The following ARID3B variants were observed in gnomAD, a reference collection of about 807,000 sequenced individuals.
ARID3B encodes the protein AT-rich interactive domain-containing protein 3B.
Under a neutral mutation model 51.9 loss-of-function variants are expected in ARID3B, and 10 were observed. The observed-to-expected ratio is 0.19, with a 90% confidence interval of 0.12 to 0.33. ARID3B has a LOEUF of 0.33. Ranked by LOEUF, ARID3B falls within the 10% of genes least tolerant of loss-of-function variation. The pLI, the probability that ARID3B is intolerant of heterozygous loss-of-function variation, is 1.00. For synonymous variants in ARID3B, 205 were observed against 279.5 expected (o/e 0.73, Z 2.66); for missense variants, 483 against 716.3 (o/e 0.67, Z 3.72).
In ARID3B at chr15:74,553,917, G is replaced by A. The variant is rs189275700; in HGVS notation, c.552+9429G>A. ...CGGCGCACTGCAACCTCCGCCTCCC[G>A]GGTTCAAGAGATTCTCCTGCCTCAG... On this transcript the variant is annotated intron_variant, in intron 2 of 8. Transcript: ENST00000346246. Among the ~76,000 whole-genome samples, 48 of 152,058 alleles carry A rather than the reference G, an allele frequency of 3.2e-4. No individual in the cohort carries two copies. The East Asian group carries it at 8.7e-3, about 28-fold the overall frequency.
chr15:74,547,768 A>T (rs1567115182), intron 2 of ARID3B, among the ~76,000 whole-genome samples: 1 of 152,260 alleles, frequency 6.6e-6, no homozygotes. Context: ...CACATGCCAA[A>T]GTTTAAAAAG....
In ARID3B at chr15:74,554,414, C is replaced by T. The variant is rs185718704; in HGVS notation, c.552+9926C>T. 1.0e-3 allele frequency among the ~76,000 whole-genome samples: 156 copies of T among 151,562 alleles called. No homozygotes were observed. The Middle Eastern group carries it at 0.018, about 17-fold the overall frequency. On this transcript the variant is annotated intron_variant, in intron 2 of 8. Coordinates refer to ENST00000346246, the MANE Select transcript of ARID3B (RefSeq NM_006465.4). ...GCCTCCCGGGCTCAAGCAGCCCTCC[C>T]GCCTCAGCCTCCCAAGTACCTGGGA...
chr15:74,545,828 C>G (rs2061613736), intron 2 of ARID3B, among the ~76,000 whole-genome samples: 1 of 152,126 alleles, frequency 6.6e-6, no homozygotes, highest in Non-Finnish European at 1.5e-5. Context: ...GATTCAAATC[C>G]CATCACTTCC....
chr15:74,587,760 C>T (rs530043090), intron 4 of ARID3B, among the ~76,000 whole-genome samples: 2 of 152,240 alleles, frequency 1.3e-5, no homozygotes, highest in South Asian at 4.1e-4. Context: ...GGTTTACTGT[C>T]CAGAACAGCA....
At chr15:74,595,569 G>A (rs201980212) in intron 8 of ARID3B, 42 bp from the exon 9 acceptor site, 58 of 1,592,708 alleles carry the variant, frequency 3.6e-5, no homozygotes, top group African/African-American at 5.4e-5. Context: ...CCTCCCCTTC[G>A]CTCTTCCTCT....
intron 2 of ARID3B, among the ~76,000 whole-genome samples, chr15:74,558,826 G>A (rs2061668728): frequency 6.6e-6 from 1 of 152,100 alleles, no homozygotes. Context: ...ATGTGCCTTG[G>A]ATGGTGGAAG....
intron 2 of ARID3B, among the ~76,000 whole-genome samples, chr15:74,567,593 T>G (rs1481515528): frequency 6.6e-6 from 1 of 152,158 alleles, no homozygotes; most frequent in Non-Finnish European, 1.5e-5. Context: ...TGTCTCATGT[T>G]GGATTCCACG....
chr15:74,560,752 GAGTGTGAATGT>G (rs1220232902), intron 2 of ARID3B, among the ~76,000 whole-genome samples: 1 of 152,208 alleles, frequency 6.6e-6, no homozygotes, highest in African/African-American at 2.4e-5. Context: ...CAGAACATGT[GAGTGTGAATGT>G]ACTTGTGTAT....
At chr15:74,572,642 G>A (rs968184023) in intron 2 of ARID3B, among the ~76,000 whole-genome samples, 2 of 151,294 alleles carry the variant, frequency 1.3e-5, no homozygotes, top group South Asian at 2.1e-4. Context: ...TCTTCCACCC[G>A]ATTCCCTCTT....
intron 4 of ARID3B, among the ~76,000 whole-genome samples, chr15:74,583,704 G>A (rs561363448): frequency 1.5e-4 from 22 of 151,102 alleles, no homozygotes; most frequent in African/African-American, 2.2e-4. Flanking sequence ...GCAACAGAGC[G>A]AGACTCTGTC....
chr15:74,558,493 A>G (rs1180333935), intron 2 of ARID3B, among the ~76,000 whole-genome samples: 6 of 151,832 alleles, frequency 4.0e-5, no homozygotes. Flanking sequence ...CTCTTTGAAC[A>G]TCTTTGACTT....
chr15:74,590,989 T>G (rs1398143762), intron 5 of ARID3B, among the ~76,000 whole-genome samples, 162 bp from the exon 6 acceptor site: 1 of 152,180 alleles, frequency 6.6e-6, no homozygotes, highest in Admixed American at 6.5e-5. Flanking sequence ...TGGGGCAGAG[T>G]GTCCGGCCAT....
At chr15:74,544,665 T>G (rs2061608928) in intron 2 of ARID3B, among the ~76,000 whole-genome samples, 177 bp downstream of exon 2, 1 of 151,892 alleles carries the variant, frequency 6.6e-6, no homozygotes, top group Non-Finnish European at 1.5e-5. Context: ...TTTTCTTCAT[T>G]AAAGCAATGA....
rs1209115882 is a variant in ARID3B at position 74,597,895 on chromosome 15, T to A, written c.*2121T>A. On this transcript the variant is annotated 3_prime_UTR_variant, in exon 9 of 9. Coordinates refer to ENST00000346246, the MANE Select transcript of ARID3B (RefSeq NM_006465.4). The stretch of plus-strand genomic sequence containing the variant: ...AGCAGGTGCCCCCACGAGTGGGGCC[T>A]TGGCCCAAGCAGAGCTTCCCCTGAA... 5.7e-6 allele frequency: 3 copies of A among 529,332 alleles called. No individual in the cohort carries two copies. Among genetic ancestry groups the A allele is most frequent in the Non-Finnish European group, 1.1e-5 (3 of 273,030 alleles). 32.8% of individuals were successfully genotyped at this position (529,332 alleles called of 1,614,324 possible).
chr15:74,590,492 G>A (rs1224606432), intron 5 of ARID3B, among the ~76,000 whole-genome samples: 2 of 152,214 alleles, frequency 1.3e-5, no homozygotes, highest in Non-Finnish European at 2.9e-5. Context: ...CAGGCAGGAA[G>A]GCCCCCTTGG....
chr15:74,562,674 G>A (rs774351164), intron 2 of ARID3B, among the ~76,000 whole-genome samples: 2 of 152,146 alleles, frequency 1.3e-5, no homozygotes, highest in African/African-American at 2.4e-5. Flanking sequence ...TGAAGAGCAC[G>A]TGTACTCAAT....
chr15:74,585,949 C>T (rs892474462), intron 4 of ARID3B, among the ~76,000 whole-genome samples: 1 of 152,324 alleles, frequency 6.6e-6, no homozygotes, highest in East Asian at 1.9e-4. Flanking sequence ...GCATAGCCTC[C>T]GCTCTGTTTC....
intron 4 of ARID3B, among the ~76,000 whole-genome samples, chr15:74,580,720 C>T (rs2061758948): frequency 6.6e-6 from 1 of 152,168 alleles, no homozygotes; most frequent in Non-Finnish European, 1.5e-5. Context: ...CTTTGCTTCT[C>T]CTGCCTTATC....
chr15:74,552,875 G>A (rs1264458512), intron 2 of ARID3B, among the ~76,000 whole-genome samples: 1 of 152,174 alleles, frequency 6.6e-6, no homozygotes, highest in Non-Finnish European at 1.5e-5. Flanking sequence ...TGGCAATTAT[G>A]AATAAAGCTA....
Sources: allele counts gnomAD v4.1 joint callset (sites outside exome capture counted in the v4.1 genomes callset), GRCh38; gene constraint gnomAD v4.1.1; transcripts MANE v1.5; gene names NCBI Gene and HGNC (gene_info 2026-07-23, HGNC 2026-07-21).